TRIM71: variants seen among roughly 807,000 people sequenced by gnomAD.
The protein encoded by TRIM71 is tripartite motif containing 71, also known as E3 ubiquitin-protein ligase TRIM71.
TRIM71 carries 9 observed loss-of-function variants against 61.2 expected under a neutral mutation model. The observed-to-expected ratio is 0.15, with a 90% CI of 0.09 to 0.26. TRIM71 has a LOEUF of 0.26. TRIM71 is among the 10% of genes least tolerant of loss of function. The pLI is 1.00. For synonymous variants in TRIM71, 645 were observed against 553.2 expected, an observed-to-expected ratio of 1.17 and a Z score of -2.33; for missense variants, 998 against 1,238.7, an observed-to-expected ratio of 0.81 and a Z score of 2.92.
At chr3:32,871,109 C>T (rs988918288) in intron 1 of TRIM71, among the ~76,000 whole-genome samples, 2 of 151,964 alleles carry the variant, frequency 1.3e-5, no homozygotes, top group Non-Finnish European at 2.9e-5. Flanking sequence ...GTTGTCAAGT[C>T]TCTATTAGGT....
At position 32,890,299 on chromosome 3, in the gene TRIM71, G is replaced by C; in HGVS notation, c.1156-61G>C. On this transcript the variant is annotated intron_variant, in intron 3 of 3. Coordinates refer to ENST00000383763, the MANE Select transcript of TRIM71 (RefSeq NM_001039111.3). The surrounding 1 kb of genome is among the most constrained non-coding windows in gnomAD (Gnocchi z 6.2). ...CTTGTGATTAGTTGTGGCTTATGTG[G>C]TATTTTCTGTGCTTGGCTCTAAGCC... The C allele has an allele frequency of 6.4e-7, 1 of 1,552,632 alleles. No individual in the cohort carries two copies. Among genetic ancestry groups the C allele is most frequent in the South Asian group, 1.2e-5 (1 of 81,604 alleles).
intron 2 of TRIM71, among the ~76,000 whole-genome samples, chr3:32,881,417 G>A (rs929614766): frequency 2.6e-5 from 4 of 152,238 alleles, no homozygotes; most frequent in Middle Eastern, 3.4e-3. Context: ...CCTTCTGACC[G>A]TTGGGCTCTT....
At chr3:32,856,277 A>G (rs1696603454) in intron 1 of TRIM71, among the ~76,000 whole-genome samples, 1 of 152,116 alleles carries the variant, frequency 6.6e-6, no homozygotes, top group South Asian at 2.1e-4. Flanking sequence ...TCGGCCTCCC[A>G]AAGTGCTGGG....
chr3:32,827,248 T>C (rs1388970345), intron 1 of TRIM71, among the ~76,000 whole-genome samples: 1 of 148,780 alleles, frequency 6.7e-6, no homozygotes, highest in East Asian at 2.0e-4. Context: ...TCCTTTGTCA[T>C]GAAGGGTAGG....
chr3:32,889,939 C>G (rs1697006568), intron 3 of TRIM71, among the ~76,000 whole-genome samples: 1 of 151,934 alleles, frequency 6.6e-6, no homozygotes, highest in South Asian at 2.1e-4. Context: ...TGTTTGTGAT[C>G]TGAGAGTGAG....
At chr3:32,828,039 A>G (rs1696223818) in intron 1 of TRIM71, among the ~76,000 whole-genome samples, 1 of 152,206 alleles carries the variant, frequency 6.6e-6, no homozygotes, top group South Asian at 2.1e-4. Flanking sequence ...TTGGATGACT[A>G]CTTAAGCACT....
chr3:32,855,999 T>C (rs965341371), intron 1 of TRIM71, among the ~76,000 whole-genome samples: 2 of 151,680 alleles, frequency 1.3e-5, no homozygotes, highest in Non-Finnish European at 2.9e-5. Flanking sequence ...GTTTTATTTA[T>C]TTATTTATTT....
chr3:32,891,976 T>G lies in TRIM71; in HGVS notation c.*165T>G. Reference sequence around the variant, plus strand: ...GAGAACAAGAAAAGTACAACATTGCTTAAGTCCTACCTCATCTTTATTTTT... The same window carrying G: ...GAGAACAAGAAAAGTACAACATTGCGTAAGTCCTACCTCATCTTTATTTTT... On this transcript the variant is annotated 3_prime_UTR_variant, in exon 4 of 4. Transcript: ENST00000383763. The surrounding 1 kb of genome is among the most constrained non-coding windows in gnomAD (Gnocchi z 8.2). The G allele has an allele frequency of 1.0e-6, 1 of 985,920 alleles. No homozygotes were observed. The highest frequency in any genetic ancestry group is 1.4e-6 in the Non-Finnish European group (1 of 701,574). The allele number at this position is 985,920 out of a possible 1,614,324, so 61.1% of individuals were successfully genotyped here.
chr3:32,867,204 C>T (rs1348515655), intron 1 of TRIM71, among the ~76,000 whole-genome samples: 2 of 151,778 alleles, frequency 1.3e-5, no homozygotes, highest in Non-Finnish European at 2.9e-5. Flanking sequence ...TAGATCTTCA[C>T]ATGTTATATT....
At chr3:32,827,633 A>T (rs753038027) in intron 1 of TRIM71, among the ~76,000 whole-genome samples, 1 of 152,136 alleles carries the variant, frequency 6.6e-6, no homozygotes, top group Non-Finnish European at 1.5e-5. Flanking sequence ...TGTCAACATT[A>T]ATAGGTTTTA....
At chr3:32,873,548 C>A (rs1427332115) in intron 1 of TRIM71, among the ~76,000 whole-genome samples, 1 of 152,170 alleles carries the variant, frequency 6.6e-6, no homozygotes, top group East Asian at 1.9e-4. Flanking sequence ...TGTTACAGTT[C>A]TGAATGAGAC....
chr3:32,860,125 C>CCCCTCCCCTCTT (rs1266958196), intron 1 of TRIM71, among the ~76,000 whole-genome samples: 3 of 139,900 alleles, frequency 2.1e-5, no homozygotes, highest in Non-Finnish European at 3.1e-5. Context: ...CTCCTCTCCT[C>CCCCTCCCCTCTT]CCCTCCCCTC....
intron 1 of TRIM71, among the ~76,000 whole-genome samples, chr3:32,832,876 T>A (rs1410944258): frequency 6.6e-6 from 1 of 151,934 alleles, no homozygotes; most frequent in African/African-American, 2.4e-5. Flanking sequence ...ATAGGTAATA[T>A]AAAGAATTAT....
Position 32,882,845 on chromosome 3 carries a change from A to G in TRIM71, c.1021-3089A>G, listed in dbSNP as rs150524877. ...GTGTGAGCCACCGTACCCGGCCCCA[A>G]TTTTTAATAGCAATTCTTTTTCACC... On this transcript the variant is annotated intron_variant, in intron 2 of 3. Coordinates refer to ENST00000383763, the MANE Select transcript of TRIM71 (RefSeq NM_001039111.3). Among the ~76,000 whole-genome samples, 567 of 152,224 alleles carry G rather than the reference A, an allele frequency of 3.7e-3. 6 individuals are homozygous for G. The highest frequency in any genetic ancestry group is 0.013 in the African/African-American group (537 of 41,536).
At chr3:32,846,668 C>G (rs1356724652) in intron 1 of TRIM71, among the ~76,000 whole-genome samples, 2 of 148,128 alleles carry the variant, frequency 1.4e-5, no homozygotes, top group African/African-American at 5.0e-5. Context: ...CTGTCCCCAG[C>G]CCCCCGCTCC....
intron 1 of TRIM71, among the ~76,000 whole-genome samples, chr3:32,845,757 G>A (rs183283496): frequency 1.3e-5 from 2 of 151,678 alleles, no homozygotes; most frequent in African/African-American, 2.4e-5. Flanking sequence ...TGTCACCCAG[G>A]CTGGAGTGCA....
At position 32,897,759 on chromosome 3, in the gene TRIM71, T is replaced by A. The variant is rs951146509; in HGVS notation, c.*5948T>A. The A allele has an allele frequency of 6.6e-6, 1 of 152,370 alleles. No homozygotes were observed. Among genetic ancestry groups the A allele is most frequent in the South Asian group, 2.1e-4 (1 of 4,820 alleles). 9.4% of individuals were successfully genotyped at this position (152,370 alleles called of 1,614,324 possible). A position where few individuals can be genotyped will look rare whatever the true frequency, so the allele number is the denominator to read the frequency against. On this transcript the variant is annotated 3_prime_UTR_variant, in exon 4 of 4. Coordinates refer to ENST00000383763, the MANE Select transcript of TRIM71 (RefSeq NM_001039111.3). Reference sequence around the variant, plus strand: ...ACAAAGTTGGTGTCTCTTTGGACTTTAAAATTGTTCCTATGCAGCTTATTT... The same window carrying A: ...ACAAAGTTGGTGTCTCTTTGGACTTAAAAATTGTTCCTATGCAGCTTATTT...
chr3:32,853,218 G>T (rs1344707536), intron 1 of TRIM71, among the ~76,000 whole-genome samples: 1 of 151,424 alleles, frequency 6.6e-6, no homozygotes, highest in African/African-American at 2.4e-5. Context: ...CTGGGTTCAA[G>T]CGATTCTCCT....
intron 3 of TRIM71, among the ~76,000 whole-genome samples, chr3:32,889,705 T>C (rs1208769008): frequency 3.3e-5 from 5 of 151,918 alleles, no homozygotes; most frequent in Admixed American, 6.6e-5. Flanking sequence ...TCTCCCCACA[T>C]CAGCTTCCCA....
Sources: gnomAD v4.1 joint callset for allele counts (sites outside exome capture counted in the v4.1 genomes callset) on GRCh38, gnomAD v4.1.1 for gene constraint, Gnocchi (gnomAD v3.1) non-coding constraint, MANE v1.5 for transcripts, NCBI Gene and HGNC (gene_info 2026-07-23, HGNC 2026-07-21) for gene names.